Variants in SLC37A2 observed in about 807,000 individuals in gnomAD.
SLC37A2 encodes the protein solute carrier family 37 member 2.
Under a neutral mutation model 70.7 loss-of-function variants are expected in SLC37A2, and 59 were observed. That is an observed-to-expected ratio of 0.83 (90% CI 0.68 to 1.04). The LOEUF (loss-of-function observed/expected upper bound fraction) is 1.04. Among genes scored for constraint, SLC37A2 ranks in the 50% least tolerant of loss-of-function variants. SLC37A2 has a pLI of 0.00. For synonymous variants in SLC37A2, 257 were observed against 262.1 expected, an observed-to-expected ratio of 0.98 and a Z score of 0.19; for missense variants, 580 against 658.1, an observed-to-expected ratio of 0.88 and a Z score of 1.30.
At chr11:125,081,972 G>C in intron 9 of SLC37A2, 66 bp downstream of exon 9, 1 of 1,520,422 alleles carries the variant, frequency 6.6e-7, no homozygotes, top group Non-Finnish European at 8.9e-7. Flanking sequence ...GTGATGAGGA[G>C]ATGGGGTGCT....
At chr11:125,065,847 G>A (rs930895325) in intron 1 of SLC37A2, among the ~76,000 whole-genome samples, 1 of 152,216 alleles carries the variant, frequency 6.6e-6, no homozygotes, top group Admixed American at 6.5e-5. Context: ...GAGGAGTCAG[G>A]TAGGGAGAAA....
At chr11:125,065,752 G>GCA (rs1555078554) in intron 1 of SLC37A2, among the ~76,000 whole-genome samples, 2,038 of 151,926 alleles carry the variant, frequency 0.013, 42 homozygotes, top group African/African-American at 0.047. Context: ...TTATGTACTG[G>GCA]TAAAAAAAAA....
intron 1 of SLC37A2, among the ~76,000 whole-genome samples, chr11:125,068,325 A>G (rs1056819907): frequency 6.6e-6 from 1 of 152,198 alleles, no homozygotes; most frequent in African/African-American, 2.4e-5. Flanking sequence ...GCTGGAGGGT[A>G]CTCAACAGGT....
intron 17 of SLC37A2, chr11:125,087,782 G>A (rs1026152486): frequency 4.7e-5 from 10 of 214,268 alleles, no homozygotes; most frequent in African/African-American, 1.6e-4. Context: ...ACAGGCATGC[G>A]CCACCACGCC....
chr11:125,086,018 G>C lies in SLC37A2; in HGVS notation c.1490G>C (p.Gly497Ala). ...AAGGTGTCCCTGAGCAGAGGCAGCG[G>C]GTGAGTCCGGGGAGCTGAAGCTGCC... is the stretch of plus-strand genomic sequence containing the variant. ...AWKVSLSRGSGYKEI is the reference protein window; with the variant it reads ...AWKVSLSRGSAYKEI Residue 497 changes from glycine (G) to alanine (A), a missense_variant and splice_region_variant, in exon 17 of 18, where the codon GGG becomes GCG. Physicochemically the swap from Gly to Ala is moderately conservative, Grantham distance 60 (BLOSUM62 0). Transcript: ENST00000403796. 1.2e-6 allele frequency: 2 copies of C among 1,613,894 alleles called. No homozygotes were observed. Among genetic ancestry groups the C allele is most frequent in the Non-Finnish European group, 1.7e-6 (2 of 1,179,796 alleles).
At position 125,083,933 on chromosome 11, in the gene SLC37A2, T is replaced by C; in HGVS notation, c.1039+56T>C. 7 of 1,555,944 alleles carry C rather than the reference T, an allele frequency of 4.5e-6. No individual in the cohort carries two copies. Among genetic ancestry groups the C allele is most frequent in the Non-Finnish European group, 6.2e-6 (7 of 1,127,646 alleles). Reference sequence around the variant, plus strand: ...TCCCTTCCCCTCTTTTCTTGTGGGGTGCAGGAAGAAGGGACAGGTCCGATG... The same window carrying C: ...TCCCTTCCCCTCTTTTCTTGTGGGGCGCAGGAAGAAGGGACAGGTCCGATG... On this transcript the variant is annotated intron_variant, in intron 11 of 17. Transcript: ENST00000403796. This position sits in a 1 kb window ranked among gnomAD's most constrained non-coding sequence, Gnocchi z 4.6.
At chr11:125,066,674 A>G (rs577899036) in intron 1 of SLC37A2, among the ~76,000 whole-genome samples, 22 of 152,340 alleles carry the variant, frequency 1.4e-4, no homozygotes, top group African/African-American at 4.8e-4. Flanking sequence ...CAACGTCTAA[A>G]AATATAAGGT....
chr11:125,066,389 G>A (rs1948980278), intron 1 of SLC37A2, among the ~76,000 whole-genome samples: 1 of 152,116 alleles, frequency 6.6e-6, no homozygotes, highest in Non-Finnish European at 1.5e-5. Flanking sequence ...CTCCAGTCTG[G>A]GCAACACAGT....
chr11:125,067,990 T>C (rs1244511638), intron 1 of SLC37A2, among the ~76,000 whole-genome samples: 1 of 152,186 alleles, frequency 6.6e-6, no homozygotes, highest in Admixed American at 6.5e-5. Context: ...CCAAAGTAAC[T>C]AACATTTCAG....
intron 2 of SLC37A2, among the ~76,000 whole-genome samples, 187 bp from the exon 3 acceptor site, chr11:125,077,043 C>T (rs547954980): frequency 2.7e-4 from 41 of 152,304 alleles, no homozygotes; most frequent in African/African-American, 8.4e-4. Context: ...GGCCCCTGGG[C>T]TATGTGGATG....
intron 1 of SLC37A2, among the ~76,000 whole-genome samples, chr11:125,067,953 T>C (rs1948997445): frequency 6.6e-6 from 1 of 152,218 alleles, no homozygotes; most frequent in Non-Finnish European, 1.5e-5. Flanking sequence ...TAGAGTCTCA[T>C]TCATGTATAT....
intron 1 of SLC37A2, among the ~76,000 whole-genome samples, chr11:125,069,760 T>A (rs1422609819): frequency 6.6e-6 from 1 of 152,176 alleles, no homozygotes; most frequent in East Asian, 1.9e-4. Flanking sequence ...GCGCCAGGTG[T>A]GTGGAGACAG....
chr11:125,064,052 G>C lies in SLC37A2; in HGVS notation c.59+626G>C, dbSNP rs1948957273. Among the ~76,000 whole-genome samples the C allele has an allele frequency of 2.6e-5, 4 of 152,226 alleles. No homozygotes were observed. In the South Asian group the frequency reaches 8.3e-4, roughly 31 times the overall value. ...ACATGTTGGGCTGCAAGGTGGGGTGGAGGGGTTTCAGCCACTCTTCCTTAG... is the reference window on the plus strand; with the variant it reads ...ACATGTTGGGCTGCAAGGTGGGGTGCAGGGGTTTCAGCCACTCTTCCTTAG... On this transcript the variant is annotated intron_variant, in intron 1 of 17. Transcript: ENST00000403796.
rs370981794 is a variant in SLC37A2 at position 125,077,027 on chromosome 11, G to A, written c.141+189G>A. 9.2e-5 allele frequency among the ~76,000 whole-genome samples: 14 copies of A among 152,306 alleles called. No homozygotes were observed. The East Asian group carries it at 1.7e-3, about 19-fold the overall frequency. ...GTCGGTGGCTGTGGATGGAATAAGCGTGCAGGGCCCCTGGGCTATGTGGAT... is the reference window on the plus strand; with the variant it reads ...GTCGGTGGCTGTGGATGGAATAAGCATGCAGGGCCCCTGGGCTATGTGGAT... On this transcript the variant is annotated intron_variant, in intron 2 of 17. Coordinates refer to ENST00000403796, the MANE Select transcript of SLC37A2 (RefSeq NM_001145290.2).
At chr11:125,066,854 G>A (rs1948985329) in intron 1 of SLC37A2, among the ~76,000 whole-genome samples, 1 of 152,170 alleles carries the variant, frequency 6.6e-6, no homozygotes, top group African/African-American at 2.4e-5. Flanking sequence ...CTAAATATCT[G>A]TATTTTAATA....
Position 125,079,674 on chromosome 11 carries a change from C to T in SLC37A2, c.451-10C>T, listed in dbSNP as rs1368271128. On this transcript the variant is annotated splice_polypyrimidine_tract_variant and intron_variant, in intron 5 of 17. Coordinates refer to ENST00000403796, the MANE Select transcript of SLC37A2 (RefSeq NM_001145290.2). ...GGCCTGTTCCCACCCTCCCTTCTCT[C>T]TCCCTGCAGGTCTGTAATGGACTCG... 2 of 1,590,932 alleles carry T rather than the reference C, an allele frequency of 1.3e-6. No homozygotes were observed. Among genetic ancestry groups the T allele is most frequent in the Non-Finnish European group, 1.7e-6 (2 of 1,167,360 alleles).
chr11:125,085,158 C>A lies in SLC37A2; in HGVS notation c.1248+19C>A. The stretch of plus-strand genomic sequence containing the variant: ...TGATCTGGTGAGTGGGGCCACCTCC[C>A]GAGGGCCAGGGACCGTTCTGGGGGC... On this transcript the variant is annotated intron_variant, in intron 14 of 17. Coordinates refer to ENST00000403796, the MANE Select transcript of SLC37A2 (RefSeq NM_001145290.2). The A allele has an allele frequency of 6.2e-7, 1 of 1,611,520 alleles. No homozygotes were observed. The highest frequency in any genetic ancestry group is 1.3e-5 in the African/African-American group (1 of 74,982).
Position 125,088,137 on chromosome 11 carries a change from C to A in SLC37A2, c.*3C>A, listed in dbSNP as rs533718570. 2 of 1,551,648 alleles carry A rather than the reference C, an allele frequency of 1.3e-6. No individual in the cohort carries two copies. Among genetic ancestry groups the A allele is most frequent in the Admixed American group, 2.0e-5 (1 of 50,964 alleles). ...CATGCAGGTATAAAGAAATATGAGG[C>A]CCCAATTGGAACAGCAGCATGGAGG... On this transcript the variant is annotated 3_prime_UTR_variant, in exon 18 of 18. Transcript: ENST00000403796.
At chr11:125,066,699 A>G (rs1361331102) in intron 1 of SLC37A2, among the ~76,000 whole-genome samples, 5 of 152,214 alleles carry the variant, frequency 3.3e-5, no homozygotes, top group African/African-American at 9.6e-5. Flanking sequence ...TTCAAAAAAC[A>G]CAATGAACAT....
Sources: gnomAD v4.1 joint callset for allele counts (sites outside exome capture counted in the v4.1 genomes callset) on GRCh38, gnomAD v4.1.1 for gene constraint, Gnocchi (gnomAD v3.1) non-coding constraint, MANE v1.5 for transcripts, NCBI Gene and HGNC (gene_info 2026-07-23, HGNC 2026-07-21) for gene names.